OTULINL: variants seen among roughly 807,000 people sequenced by gnomAD.
OTULINL encodes inactive ubiquitin thioesterase OTULINL.
A neutral mutation model predicts 43.9 loss-of-function variants in OTULINL; 42 were observed. The observed-to-expected ratio is 0.96, with a 90% CI of 0.75 to 1.24. The LOEUF (loss-of-function observed/expected upper bound fraction) is 1.24. OTULINL is among the 50% of genes most tolerant of loss of function. The pLI, the probability that OTULINL is intolerant of heterozygous loss-of-function variation, is 0.00. For missense variants in OTULINL, 411 were observed against 426.4 expected (o/e 0.96, Z 0.32); for synonymous variants, 172 against 153.6 (o/e 1.12, Z -0.88).
Position 14,614,510 on chromosome 5 carries a change from A to G in OTULINL, c.*4196A>G. 2.5e-6 allele frequency: 1 copy of G among 398,152 alleles called. No homozygotes were observed. Among genetic ancestry groups the G allele is most frequent in the Non-Finnish European group, 4.4e-6 (1 of 226,046 alleles). The allele number at this position is 398,152 out of a possible 1,614,324, so 24.7% of individuals were successfully genotyped here. On this transcript the variant is annotated 3_prime_UTR_variant, in exon 8 of 8. Coordinates refer to ENST00000274217, the MANE Select transcript of OTULINL (RefSeq NM_019018.3). ...TCTTTGCTTAATTCACTTCTGTTTTAATCCCATCATATTCCTTTAGGCCAA... is the reference window on the plus strand; with the variant it reads ...TCTTTGCTTAATTCACTTCTGTTTTGATCCCATCATATTCCTTTAGGCCAA...
chr5:14,588,739 G>T (rs1475231602), intron 1 of OTULINL, among the ~76,000 whole-genome samples: 1 of 152,084 alleles, frequency 6.6e-6, no homozygotes, highest in Admixed American at 6.5e-5. Context: ...GTCTCTTTTG[G>T]GTACAAGATG....
chr5:14,595,840 G>T (rs1759278365), intron 1 of OTULINL, among the ~76,000 whole-genome samples: 1 of 151,814 alleles, frequency 6.6e-6, no homozygotes, highest in Non-Finnish European at 1.5e-5. Context: ...GTCCCAACAT[G>T]CATTAATGCT....
intron 1 of OTULINL, among the ~76,000 whole-genome samples, chr5:14,595,064 G>A (rs1026591091): frequency 6.6e-6 from 1 of 152,136 alleles, no homozygotes; most frequent in African/African-American, 2.4e-5. Flanking sequence ...TGATTTCACT[G>A]TATGTATATT....
rs1223936187 is a variant in OTULINL at position 14,613,412 on chromosome 5, T to C, written c.*3098T>C. On this transcript the variant is annotated 3_prime_UTR_variant, in exon 8 of 8. Transcript: ENST00000274217. ...TATCTTTTCATCATACCTCTTCTAA[T>C]CTGAGTATTTCCTCTGGGCTTAAAA... Among the ~76,000 whole-genome samples the C allele has an allele frequency of 6.6e-6, 1 of 152,194 alleles. No homozygotes were observed. The highest frequency in any genetic ancestry group is 1.5e-5 in the Non-Finnish European group (1 of 68,036).
chr5:14,607,906 C>T (rs1759509900), intron 6 of OTULINL, among the ~76,000 whole-genome samples: 1 of 152,204 alleles, frequency 6.6e-6, no homozygotes, highest in African/African-American at 2.4e-5. Context: ...GAGCCTACCA[C>T]TAGCTTGGTT....
chr5:14,612,244 G>A lies in OTULINL; in HGVS notation c.*1930G>A, dbSNP rs933227876. ...TGTGGCTGATACTTATAGAATTGTT[G>A]CTCCAAAATTTTGGCTCCACTTGAG... On this transcript the variant is annotated 3_prime_UTR_variant, in exon 8 of 8. Transcript: ENST00000274217. 2.0e-5 allele frequency: 3 copies of A among 152,202 alleles called. No homozygotes were observed. Among genetic ancestry groups the A allele is most frequent in the Non-Finnish European group, 4.4e-5 (3 of 68,042 alleles). 9.4% of individuals were successfully genotyped at this position (152,202 alleles called of 1,614,324 possible).
intron 1 of OTULINL, among the ~76,000 whole-genome samples, chr5:14,588,059 C>T (rs1303490499): frequency 1.3e-5 from 2 of 152,126 alleles, no homozygotes; most frequent in Admixed American, 1.3e-4. Flanking sequence ...GCATGAACTT[C>T]CAAGGGTCGG....
At position 14,581,909 on chromosome 5, in the gene OTULINL, G is replaced by A; in HGVS notation, c.15G>A (p.Arg5=). Residue 5 remains arginine, a synonymous_variant, in exon 1 of 8, where the codon AGG becomes AGA. Coordinates refer to ENST00000274217, the MANE Select transcript of OTULINL (RefSeq NM_019018.3). ...GCGCGGCCGGCATGGCGGCGACAAG[G>A]AGCCCCACGCGGGCAAGGGAGCGGG... is the stretch of plus-strand genomic sequence containing the variant. MAAT[R]SPTRARERER... is the part of the protein sequence containing the mutation. 1 of 1,413,558 alleles carries A rather than the reference G, an allele frequency of 7.1e-7. No individual in the cohort carries two copies. The highest frequency in any genetic ancestry group is 2.7e-5 in the Admixed American group (1 of 36,808). 87.6% of individuals were successfully genotyped at this position (1,413,558 alleles called of 1,614,324 possible).
At chr5:14,582,712 G>T (rs1579911804) in intron 1 of OTULINL, among the ~76,000 whole-genome samples, 1 of 150,890 alleles carries the variant, frequency 6.6e-6, no homozygotes, top group East Asian at 2.0e-4. Context: ...CTACTCGGAA[G>T]GCTGAGGCCG....
rs1191829292 is a variant in OTULINL at position 14,614,454 on chromosome 5, C to G, written c.*4140C>G. The G allele has an allele frequency of 1.0e-5, 4 of 396,802 alleles. No individual in the cohort carries two copies. The highest frequency in any genetic ancestry group is 4.4e-6 in the Non-Finnish European group (1 of 225,544). 24.6% of individuals were successfully genotyped at this position (396,802 alleles called of 1,614,324 possible). On this transcript the variant is annotated 3_prime_UTR_variant, in exon 8 of 8. Transcript: ENST00000274217. Reference sequence around the variant, plus strand: ...ATTTAGTGGGTCCAAATTGTTCAATCACTTCTATGTTATTTGTTCAGAATA... The same window carrying G: ...ATTTAGTGGGTCCAAATTGTTCAATGACTTCTATGTTATTTGTTCAGAATA...
intron 1 of OTULINL, among the ~76,000 whole-genome samples, chr5:14,593,098 A>G (rs903732149): frequency 1.3e-5 from 2 of 152,170 alleles, no homozygotes; most frequent in African/African-American, 4.8e-5. Context: ...GGTTGCATTT[A>G]TAATTGTAGC....
chr5:14,598,745 C>T (rs1431770764), intron 1 of OTULINL, among the ~76,000 whole-genome samples: 1 of 152,140 alleles, frequency 6.6e-6, no homozygotes, highest in Non-Finnish European at 1.5e-5. Flanking sequence ...ACATTTAGGA[C>T]AGTTTATACT....
intron 1 of OTULINL, among the ~76,000 whole-genome samples, chr5:14,582,580 G>C (rs576755067): frequency 1.6e-4 from 24 of 152,204 alleles, no homozygotes; most frequent in African/African-American, 5.5e-4. Context: ...CGGATCACGC[G>C]GTCAGGAGTT....
intron 1 of OTULINL, among the ~76,000 whole-genome samples, chr5:14,586,760 A>G (rs1759106816): frequency 6.6e-6 from 1 of 152,126 alleles, no homozygotes; most frequent in South Asian, 2.1e-4. Flanking sequence ...GTTAATGAAT[A>G]TTAGGGTTAG....
At chr5:14,601,595 G>A (rs1759390836) in intron 4 of OTULINL, among the ~76,000 whole-genome samples, 153 bp downstream of exon 4, 1 of 152,220 alleles carries the variant, frequency 6.6e-6, no homozygotes. Flanking sequence ...AAGCCAAATG[G>A]CTGTTAGACC....
intron 1 of OTULINL, among the ~76,000 whole-genome samples, chr5:14,589,100 C>T (rs1759155681): frequency 6.6e-6 from 1 of 152,132 alleles, no homozygotes. Flanking sequence ...TACTTAGGCA[C>T]TCAGAAAGCA....
chr5:14,593,694 C>T (rs1405766365), intron 1 of OTULINL, among the ~76,000 whole-genome samples: 1 of 152,216 alleles, frequency 6.6e-6, no homozygotes, highest in Admixed American at 6.5e-5. Context: ...CATTCAACAT[C>T]TCTAGAAGAT....
chr5:14,594,351 T>A (rs1376415198), intron 1 of OTULINL, among the ~76,000 whole-genome samples: 1 of 152,238 alleles, frequency 6.6e-6, no homozygotes, highest in Non-Finnish European at 1.5e-5. Context: ...GTACAATATT[T>A]TGCTTTATTC....
intron 1 of OTULINL, among the ~76,000 whole-genome samples, chr5:14,597,906 G>T (rs565864390): frequency 1.3e-5 from 2 of 152,258 alleles, no homozygotes; most frequent in African/African-American, 4.8e-5. Context: ...TTTCTGACGG[G>T]TTGATCATAT....
Sources: gnomAD v4.1 joint callset for allele counts (sites outside exome capture counted in the v4.1 genomes callset) on GRCh38, gnomAD v4.1.1 for gene constraint, MANE v1.5 for transcripts, NCBI Gene and HGNC (gene_info 2026-07-23, HGNC 2026-07-21) for gene names.